SLCO4C1: variants seen among roughly 807,000 people sequenced by gnomAD.
SLCO4C1 encodes the protein solute carrier organic anion transporter family member 4C1, also known as organic anion transporter M1.
Under a neutral mutation model 72.1 loss-of-function variants are expected in SLCO4C1, and 58 were observed. The ratio of observed to expected loss-of-function variants is 0.80; its 90% CI spans 0.65 to 1.00. The LOEUF (loss-of-function observed/expected upper bound fraction) is 1.00. SLCO4C1 is among the 50% of genes least tolerant of loss of function. The pLI is 0.00. For missense variants in SLCO4C1, 898 were observed against 857.9 expected (o/e 1.05, Z -0.58); for synonymous variants, 297 against 312.5 (o/e 0.95, Z 0.52).
At chr5:102,292,286 A>C (rs1749571630) in intron 1 of SLCO4C1, among the ~76,000 whole-genome samples, 1 of 152,194 alleles carries the variant, frequency 6.6e-6, no homozygotes. Context: ...AGAGTTTCCA[A>C]GTATTAATAT....
chr5:102,260,535 A>C (rs901176293), intron 5 of SLCO4C1, among the ~76,000 whole-genome samples: 1 of 151,490 alleles, frequency 6.6e-6, no homozygotes, highest in Admixed American at 6.6e-5. Context: ...AAATATGTAA[A>C]TATCCATGTC....
In SLCO4C1 at chr5:102,257,226, G is replaced by A. The variant is rs189281809; in HGVS notation, c.1358C>T (p.Thr453Ile). 5.6e-6 allele frequency: 9 copies of A among 1,611,090 alleles called. No individual in the cohort carries two copies. Among genetic ancestry groups the A allele is most frequent in the Non-Finnish European group, 6.8e-6 (8 of 1,178,864 alleles). The change falls in exon 8 of 13, where the codon ACA (threonine) becomes ATA (isoleucine). Residue 453 changes from threonine (T) to isoleucine (I), a missense_variant. Thr to Ile is a moderately conservative substitution (Grantham distance 89). Transcript: ENST00000310954. ...AGATGTGAACAGTGCAAACTTCATTGTGTTTTTACATGTCATTCTGAATTT... is the reference window on the plus strand; with the variant it reads ...AGATGTGAACAGTGCAAACTTCATTATGTTTTTACATGTCATTCTGAATTT... ...VSKFRMTCKN[T>I]MKFALFTSGV...
chr5:102,283,275 G>A (rs1362059444), intron 2 of SLCO4C1, among the ~76,000 whole-genome samples: 1 of 151,684 alleles, frequency 6.6e-6, no homozygotes, highest in Non-Finnish European at 1.5e-5. Context: ...CACCACATAT[G>A]TATACTCTTC....
At chr5:102,277,157 G>T (rs1039154519) in intron 2 of SLCO4C1, among the ~76,000 whole-genome samples, 9 of 152,182 alleles carry the variant, frequency 5.9e-5, no homozygotes, top group Admixed American at 4.6e-4. Context: ...CAAGAAAGAA[G>T]CAGCTTGGCA....
chr5:102,266,415 C>A (rs1437104612), intron 3 of SLCO4C1, among the ~76,000 whole-genome samples: 1 of 152,044 alleles, frequency 6.6e-6, no homozygotes, highest in Non-Finnish European at 1.5e-5. Flanking sequence ...TTTGGGAGGC[C>A]GAGGTGGGTG....
rs141510382 is a variant in SLCO4C1 at position 102,249,516 on chromosome 5, C to T, written c.1620+122G>A. 90 of 924,858 alleles carry T rather than the reference C, an allele frequency of 9.7e-5. No individual in the cohort carries two copies. In the African/African-American group the frequency reaches 1.4e-3, roughly 15 times the overall value. 57.3% of individuals were successfully genotyped at this position (924,858 alleles called of 1,614,324 possible). ...CTATTTCAGCTGGAGACATCATGGG[C>T]TGCTTAACGGAGGCAATGGAGCAGG... On this transcript the variant is annotated intron_variant, in intron 9 of 12. Coordinates refer to ENST00000310954, the MANE Select transcript of SLCO4C1 (RefSeq NM_180991.5).
At chr5:102,244,984 C>T (rs1343851006) in intron 10 of SLCO4C1, among the ~76,000 whole-genome samples, 1 of 152,066 alleles carries the variant, frequency 6.6e-6, no homozygotes, top group Non-Finnish European at 1.5e-5. Context: ...CAAAGAAAAA[C>T]ACAGACTATT....
intron 8 of SLCO4C1, among the ~76,000 whole-genome samples, chr5:102,254,932 T>C (rs1023767569): frequency 2.0e-5 from 3 of 152,166 alleles, no homozygotes; most frequent in African/African-American, 7.2e-5. Context: ...GTTTCTTAGA[T>C]GAGACTAGTT....
In SLCO4C1 at chr5:102,263,792, A is replaced by T; in HGVS notation, c.803-12T>A. 2 of 1,601,158 alleles carry T rather than the reference A, an allele frequency of 1.2e-6. No homozygotes were observed. The highest frequency in any genetic ancestry group is 1.7e-6 in the Non-Finnish European group (2 of 1,169,696). On this transcript the variant is annotated splice_polypyrimidine_tract_variant and intron_variant, in intron 3 of 12. Transcript: ENST00000310954. ...AGCATAACCGGTTCCTAGAAGAAGA[A>T]CAGAGACATTGAATACAGTCATATG... is the stretch of plus-strand genomic sequence containing the variant.
intron 2 of SLCO4C1, among the ~76,000 whole-genome samples, chr5:102,271,224 A>G (rs1324831751): frequency 6.6e-6 from 1 of 152,034 alleles, no homozygotes; most frequent in Admixed American, 6.6e-5. Context: ...ACTTAAAGCT[A>G]TATTTAAATT....
chr5:102,235,470 G>A lies in SLCO4C1; in HGVS notation c.*1388C>T, dbSNP rs1411643271. On this transcript the variant is annotated 3_prime_UTR_variant, in exon 13 of 13. Coordinates refer to ENST00000310954, the MANE Select transcript of SLCO4C1 (RefSeq NM_180991.5). ...CTATACCCTCCATATTCTCAGCAAAGTTGGCATAAATCTGACCTGAATAAA... is the reference window on the plus strand; with the variant it reads ...CTATACCCTCCATATTCTCAGCAAAATTGGCATAAATCTGACCTGAATAAA... 4 of 152,186 alleles carry A rather than the reference G, an allele frequency of 2.6e-5. No homozygotes were observed. Among genetic ancestry groups the A allele is most frequent in the Admixed American group, 2.6e-4 (4 of 15,272 alleles). The allele number at this position is 152,186 out of a possible 1,614,324, so 9.4% of individuals were successfully genotyped here. A position where few individuals can be genotyped will look rare whatever the true frequency, so the allele number is the denominator to read the frequency against.
At chr5:102,237,160 A>T (rs1748452765) in intron 12 of SLCO4C1, 142 bp from the exon 13 acceptor site, 1 of 857,712 alleles carries the variant, frequency 1.2e-6, no homozygotes, top group African/African-American at 1.7e-5. Context: ...AATTTTTGAA[A>T]CATTAAGGGG....
rs1182223572 is a variant in SLCO4C1, at chr5:102,247,435, TA to T, written c.1627del (p.Tyr543ThrfsTer12). 6.6e-7 allele frequency: 1 copy of T among 1,521,880 alleles called. No individual in the cohort carries two copies. The highest frequency in any genetic ancestry group is 8.9e-7 in the Non-Finnish European group (1 of 1,122,684). The allele number at this position is 1,521,880 out of a possible 1,614,324, so 94.3% of individuals were successfully genotyped here. On this transcript the variant is annotated frameshift_variant, in exon 10 of 13. Coordinates refer to ENST00000310954, the MANE Select transcript of SLCO4C1 (RefSeq NM_180991.5). LOFTEE classifies it high-confidence loss of function. Reference sequence around the variant, plus strand: ...TTTCCTTTCAATACAGGAACAGTTGTAATATACCTAAAAATATTAGACATAA... The same window carrying T: ...TTTCCTTTCAATACAGGAACAGTTGTATATACCTAAAAATATTAGACATAA... ...PVAHRKPKVYYNCSCIERKTE... is the reference protein window; with the variant it reads ...PVAHRKPKVYXNCSCIERKTE...
intron 11 of SLCO4C1, among the ~76,000 whole-genome samples, chr5:102,240,089 C>A (rs1303252138): frequency 6.6e-6 from 1 of 152,076 alleles, no homozygotes; most frequent in Non-Finnish European, 1.5e-5. Context: ...ACTTTCATTT[C>A]TATCACTAGT....
chr5:102,291,891 G>A (rs1749560253), intron 1 of SLCO4C1, among the ~76,000 whole-genome samples: 1 of 151,658 alleles, frequency 6.6e-6, no homozygotes, highest in Non-Finnish European at 1.5e-5. Flanking sequence ...GCGCGATCTC[G>A]GCTCACCGCC....
intron 10 of SLCO4C1, among the ~76,000 whole-genome samples, chr5:102,243,168 G>A (rs1017328653): frequency 6.6e-6 from 1 of 152,202 alleles, no homozygotes; most frequent in South Asian, 2.1e-4. Flanking sequence ...TGGTTTCCAT[G>A]CCAGCTTAGC....
chr5:102,272,360 A>T (rs1194213308), intron 2 of SLCO4C1, among the ~76,000 whole-genome samples: 2 of 152,046 alleles, frequency 1.3e-5, no homozygotes, highest in African/African-American at 4.8e-5. Context: ...GCTATAACCC[A>T]TTTTACAGTG....
chr5:102,238,192 G>A (rs1748474019), intron 12 of SLCO4C1, among the ~76,000 whole-genome samples: 1 of 151,876 alleles, frequency 6.6e-6, no homozygotes, highest in Non-Finnish European at 1.5e-5. Flanking sequence ...ATTTTGTGGG[G>A]GGATTCCCAT....
At position 102,236,606 on chromosome 5, in the gene SLCO4C1, G is replaced by C. The variant is rs934934602; in HGVS notation, c.*252C>G. ...CGTGTGTGTGTGTGTGTGTGTGTTC[G>C]TGTGTGTGTGTGTGTGTGTGCTCGT... On this transcript the variant is annotated 3_prime_UTR_variant, in exon 13 of 13. Transcript: ENST00000310954. 6.9e-6 allele frequency: 1 copy of C among 145,440 alleles called. No homozygotes were observed. Among genetic ancestry groups the C allele is most frequent in the South Asian group, 1.0e-4 (1 of 9,634 alleles). 9.0% of individuals were successfully genotyped at this position (145,440 alleles called of 1,614,324 possible).
Sources: gnomAD v4.1 joint callset for allele counts (sites outside exome capture counted in the v4.1 genomes callset) on GRCh38, gnomAD v4.1.1 for gene constraint, MANE v1.5 for transcripts, NCBI Gene and HGNC (gene_info 2026-07-23, HGNC 2026-07-21) for gene names.